Variants in ZC3H12B observed in about 807,000 individuals in gnomAD.
The protein encoded by ZC3H12B is probable ribonuclease ZC3H12B.
ZC3H12B carries 7 observed loss-of-function variants against 43.9 expected under a neutral mutation model. The observed-to-expected ratio is 0.16, with a 90% CI of 0.09 to 0.30. The LOEUF (loss-of-function observed/expected upper bound fraction) is 0.30, where lower values mean the gene tolerates loss of function less well. Ranked by LOEUF, ZC3H12B falls within the 10% of genes least tolerant of loss-of-function variation. The probability of loss-of-function intolerance (pLI) is 1.00; values close to 1 mark genes in which losing one functional copy is unlikely to be tolerated. For synonymous variants in ZC3H12B, 222 were observed against 241.7 expected, an observed-to-expected ratio of 0.92 and a Z score of 0.76; for missense variants, 475 against 670.2, an observed-to-expected ratio of 0.71 and a Z score of 3.22.
chrX:65,146,521 G>A, the ZC3H12B span, among the ~76,000 whole-genome samples: 2 of 111,043 alleles, frequency 1.8e-5, no homozygotes, highest in African/African-American at 6.6e-5. Context: ...ATTTTTGGGG[G>A]GTGTTAAAGA....
chrX:65,037,341 G>T, the ZC3H12B span, among the ~76,000 whole-genome samples: 1 of 111,656 alleles, frequency 9.0e-6, no homozygotes, highest in African/African-American at 3.2e-5. Flanking sequence ...TTCTTAGAAG[G>T]TGGAAGAGTT....
chrX:65,355,635 A>T, the ZC3H12B span, among the ~76,000 whole-genome samples: 1 of 111,806 alleles, frequency 8.9e-6, no homozygotes, highest in African/African-American at 3.3e-5. Context: ...AGGAATGCAC[A>T]CTAAACCATA....
the ZC3H12B span, among the ~76,000 whole-genome samples, chrX:65,135,926 A>G: frequency 9.2e-6 from 1 of 108,466 alleles, no homozygotes; most frequent in Non-Finnish European, 1.9e-5. Context: ...GAAGTTCTCT[A>G]TTTTCATTTG....
At chrX:65,287,999 T>C in the ZC3H12B span, among the ~76,000 whole-genome samples, 2 of 108,034 alleles carry the variant, frequency 1.9e-5, no homozygotes, top group African/African-American at 3.4e-5. Flanking sequence ...CATATATATA[T>C]ATATATATAT....
the ZC3H12B span, among the ~76,000 whole-genome samples, chrX:65,182,549 A>G: frequency 3.6e-5 from 4 of 111,332 alleles, no homozygotes; most frequent in African/African-American, 1.3e-4. Context: ...ACCAAAAGCA[A>G]TTGTAACAAA....
At chrX:65,146,214 T>C in the ZC3H12B span, among the ~76,000 whole-genome samples, 2 of 111,917 alleles carry the variant, frequency 1.8e-5, no homozygotes, top group African/African-American at 3.2e-5. Context: ...TTGGATTTGG[T>C]TAATTCAAAG....
chrX:65,205,972 C>G, the ZC3H12B span, among the ~76,000 whole-genome samples: 1 of 111,444 alleles, frequency 9.0e-6, no homozygotes, highest in South Asian at 3.7e-4. Flanking sequence ...CTTGAAAGAC[C>G]TTTACAAGGA....
At position 65,411,903 on chromosome X, in the gene ZC3H12B, T is replaced by TTAAAA. The variant is rs764863481; in HGVS notation, n.407+13224_407+13228dup. On this transcript the variant is annotated intron_variant and non_coding_transcript_variant, in intron 3 of 5. Coordinates refer to the ZC3H12B transcript ENST00000617377. ...CACAAATATAGACGCCCACAAAAAT[T>TTAAAA]TAAAATAAAATAAAATAAAATAAAA... Among the ~76,000 whole-genome samples the TTAAAA allele has an allele frequency of 2.0e-3, 219 of 107,263 alleles. 1 individual carries two copies. The highest frequency in any genetic ancestry group is 4.7e-3 in the Middle Eastern group (1 of 211). The allele number at this position is 107,263 out of a possible 115,157, so 93.1% of individuals were successfully genotyped here.
At chrX:65,471,781 C>A (rs1281970678) in intron 3 of ZC3H12B, among the ~76,000 whole-genome samples, 1 of 111,233 alleles carries the variant, frequency 9.0e-6, no homozygotes, top group African/African-American at 3.3e-5. Context: ...TTTTGCCAAT[C>A]TGTATCTTTT....
chrX:65,140,691 T>C, the ZC3H12B span, among the ~76,000 whole-genome samples: 1 of 112,198 alleles, frequency 8.9e-6, no homozygotes, highest in South Asian at 3.7e-4. Flanking sequence ...AGTAAAGCCA[T>C]CAGTTCTTGG....
At chrX:65,068,398 G>T in the ZC3H12B span, among the ~76,000 whole-genome samples, 1 of 109,353 alleles carries the variant, frequency 9.1e-6, no homozygotes, top group African/African-American at 3.3e-5. Flanking sequence ...TTTGGTTTGA[G>T]GTTACAATGA....
the ZC3H12B span, among the ~76,000 whole-genome samples, chrX:65,098,918 G>C: frequency 9.0e-6 from 1 of 110,850 alleles, no homozygotes; most frequent in African/African-American, 3.3e-5. Context: ...TGAAGCCAGG[G>C]AGCTACATGG....
intron 3 of ZC3H12B, among the ~76,000 whole-genome samples, chrX:65,406,729 G>C (rs925128583): frequency 2.7e-5 from 3 of 111,874 alleles, no homozygotes; most frequent in Non-Finnish European, 3.8e-5. Flanking sequence ...GGTAGGAGCG[G>C]CGGCTGCAGG....
chrX:65,241,375 T>C, the ZC3H12B span, among the ~76,000 whole-genome samples: 4 of 110,103 alleles, frequency 3.6e-5, no homozygotes. Context: ...GGACTCCTCA[T>C]GAGGACCACC....
the ZC3H12B span, among the ~76,000 whole-genome samples, chrX:65,277,346 C>T: frequency 1.8e-5 from 2 of 111,475 alleles, no homozygotes; most frequent in Non-Finnish European, 3.8e-5. Context: ...CAGATTTAAA[C>T]TGTAACATAC....
the ZC3H12B span, among the ~76,000 whole-genome samples, chrX:65,279,483 T>A: frequency 4.5e-5 from 5 of 111,083 alleles, no homozygotes; most frequent in African/African-American, 1.6e-4. Flanking sequence ...GACTCTCTAT[T>A]CCATAAATGT....
At chrX:65,453,846 A>G (rs2067560953) in intron 3 of ZC3H12B, among the ~76,000 whole-genome samples, 1 of 112,047 alleles carries the variant, frequency 8.9e-6, no homozygotes, top group African/African-American at 3.2e-5. Flanking sequence ...GTTCTCACTC[A>G]TAAGTGGGAG....
the ZC3H12B span, among the ~76,000 whole-genome samples, chrX:65,269,360 C>T: frequency 1.0e-5 from 1 of 96,250 alleles, no homozygotes; most frequent in East Asian, 3.1e-4. Context: ...AAAAACAAAA[C>T]AAAACAAAAA....
intron 3 of ZC3H12B, among the ~76,000 whole-genome samples, chrX:65,426,742 G>A (rs2067088436): frequency 8.9e-6 from 1 of 111,932 alleles, no homozygotes; most frequent in African/African-American, 3.2e-5. Context: ...GAGTCATTCA[G>A]TAGAAGGTTG....
Sources: allele counts gnomAD v4.1 joint callset (sites outside exome capture counted in the v4.1 genomes callset), GRCh38; gene constraint gnomAD v4.1.1; transcripts MANE v1.5; gene names NCBI Gene and HGNC (gene_info 2026-07-23, HGNC 2026-07-21).